Variants in COLEC10 observed in about 807,000 individuals in gnomAD.
The protein encoded by COLEC10 is collectin-10.
In COLEC10, 22 loss-of-function variants were observed where a neutral mutation model predicts 28.4. The ratio of observed to expected loss-of-function variants is 0.78; its 90% confidence interval spans 0.55 to 1.11. The LOEUF (loss-of-function observed/expected upper bound fraction) is 1.11, where lower values mean the gene tolerates loss of function less well. Ranked by LOEUF, COLEC10 falls within the 50% of genes least tolerant of loss-of-function variation. COLEC10 has a pLI of 0.00. For synonymous variants in COLEC10, 125 were observed against 116.1 expected (o/e 1.08, Z -0.49); for missense variants, 361 against 344.1 (o/e 1.05, Z -0.39).
intron 1 of COLEC10, among the ~76,000 whole-genome samples, chr8:119,084,298 T>G (rs1815426122): frequency 6.6e-6 from 1 of 152,172 alleles, no homozygotes; most frequent in African/African-American, 2.4e-5. Flanking sequence ...ATTTGACGCC[T>G]GAATATGCAA....
At chr8:119,029,315 C>T (rs541075236) in intron 2 of COLEC10, among the ~76,000 whole-genome samples, 2 of 152,144 alleles carry the variant, frequency 1.3e-5, no homozygotes, top group African/African-American at 4.8e-5. Context: ...AAAGCTGAAG[C>T]CAGCACAATC....
At chr8:118,983,612 A>C in the COLEC10 span, among the ~76,000 whole-genome samples, 7,827 of 152,188 alleles carry the variant, frequency 0.051, 314 homozygotes, top group East Asian at 0.17. Flanking sequence ...TCAATCCAGA[A>C]TCTATAAAGA....
chr8:119,028,742 T>C (rs1159646741), intron 2 of COLEC10, among the ~76,000 whole-genome samples: 1 of 152,216 alleles, frequency 6.6e-6, no homozygotes, highest in South Asian at 2.1e-4. Flanking sequence ...CCATAATCTA[T>C]GTGAAGGCTG....
chr8:118,969,607 A>G, the COLEC10 span, among the ~76,000 whole-genome samples: 121 of 151,974 alleles, frequency 8.0e-4, 1 homozygote, highest in African/African-American at 2.9e-3. Context: ...GGAGCTGGTG[A>G]ATTCTAATTG....
the COLEC10 span, among the ~76,000 whole-genome samples, chr8:118,962,039 A>G: frequency 1.3e-5 from 2 of 152,166 alleles, no homozygotes; most frequent in Admixed American, 1.3e-4. Context: ...CTAAAAGCCA[A>G]CACTCCCACA....
intron 1 of COLEC10, among the ~76,000 whole-genome samples, chr8:119,001,300 G>A (rs959043694): frequency 2.0e-5 from 3 of 152,118 alleles, no homozygotes; most frequent in Non-Finnish European, 4.4e-5. Flanking sequence ...TGGTATTTTG[G>A]CTGGTGATCA....
intron 2 of COLEC10, among the ~76,000 whole-genome samples, chr8:119,023,532 A>G (rs1428469612): frequency 6.6e-6 from 1 of 152,148 alleles, no homozygotes; most frequent in Non-Finnish European, 1.5e-5. Flanking sequence ...ACTTATTTTA[A>G]CCTCTAGTTT....
intron 1 of COLEC10, among the ~76,000 whole-genome samples, chr8:119,072,320 C>A (rs527536155): frequency 6.6e-6 from 1 of 151,764 alleles, no homozygotes; most frequent in East Asian, 1.9e-4. Context: ...GAGTAGCTGC[C>A]ATTCACCCAG....
chr8:118,978,415 A>G, the COLEC10 span, among the ~76,000 whole-genome samples: 4 of 152,004 alleles, frequency 2.6e-5, no homozygotes, highest in East Asian at 1.9e-4. Flanking sequence ...TTTTGATTAT[A>G]TTTTCCTAAG....
chr8:119,106,884 G>A lies in COLEC10; in HGVS notation c.*693G>A, dbSNP rs899915342. On this transcript the variant is annotated 3_prime_UTR_variant, in exon 6 of 6. Transcript: ENST00000332843. ...AAGTAGGTGCTTTGAACCCCTTTCT[G>A]TAGGCTCACACCTTAATCTCAGGCC... 5.3e-5 allele frequency among the ~76,000 whole-genome samples: 8 copies of A among 152,062 alleles called. No homozygotes were observed. Among genetic ancestry groups the A allele is most frequent in the African/African-American group, 1.9e-4 (8 of 41,416 alleles).
At chr8:119,079,533 G>A (rs960635085) in intron 1 of COLEC10, among the ~76,000 whole-genome samples, 1 of 152,104 alleles carries the variant, frequency 6.6e-6, no homozygotes, top group African/African-American at 2.4e-5. Flanking sequence ...TGAATGATAT[G>A]TGAAGGCTGA....
chr8:118,993,646 C>T (rs1052421306), upstream of COLEC10, among the ~76,000 whole-genome samples: 2 of 152,168 alleles, frequency 1.3e-5, no homozygotes, highest in East Asian at 3.9e-4. Context: ...TGAGCCACCA[C>T]ACCCAGCCAT....
chr8:118,970,932 C>T, the COLEC10 span, among the ~76,000 whole-genome samples: 1 of 151,918 alleles, frequency 6.6e-6, no homozygotes, highest in South Asian at 2.1e-4. Flanking sequence ...CATGCTTTTT[C>T]TTTGAAATTT....
At chr8:119,066,750 CA>C (rs1473133775), upstream of COLEC10, among the ~76,000 whole-genome samples, 1 of 152,170 alleles carries the variant, frequency 6.6e-6, no homozygotes, top group African/African-American at 2.4e-5. Flanking sequence ...TGAATTTAAT[CA>C]CAAGAGAATA....
chr8:118,964,989 T>C, the COLEC10 span, among the ~76,000 whole-genome samples: 7 of 152,110 alleles, frequency 4.6e-5, no homozygotes, highest in Non-Finnish European at 1.0e-4. Flanking sequence ...GGCAGTGCTG[T>C]AGGGAGGTCA....
At chr8:119,013,712 T>A (rs1376958567) in intron 2 of COLEC10, among the ~76,000 whole-genome samples, 1 of 150,896 alleles carries the variant, frequency 6.6e-6, no homozygotes, top group East Asian at 1.9e-4. Flanking sequence ...AGTTCTTCAT[T>A]ACGTAATGCC....
At chr8:119,094,252 GA>G (rs895856425) in intron 3 of COLEC10, among the ~76,000 whole-genome samples, 4 of 151,596 alleles carry the variant, frequency 2.6e-5, no homozygotes, top group Non-Finnish European at 5.9e-5. Context: ...CTAGTCTGTG[GA>G]AAAAAAAGTT....
At chr8:118,974,626 T>C in the COLEC10 span, among the ~76,000 whole-genome samples, 1 of 152,042 alleles carries the variant, frequency 6.6e-6, no homozygotes, top group African/African-American at 2.4e-5. Flanking sequence ...ATTCTCACTG[T>C]TCTCAATATC....
the COLEC10 span, among the ~76,000 whole-genome samples, chr8:118,974,790 T>C: frequency 1.3e-5 from 2 of 152,042 alleles, 1 homozygote; most frequent in Admixed American, 1.3e-4. Flanking sequence ...GAAAAAGTTA[T>C]CCAACCTTAT....
Sources: gnomAD v4.1 joint callset for allele counts (sites outside exome capture counted in the v4.1 genomes callset) on GRCh38, gnomAD v4.1.1 for gene constraint, MANE v1.5 for transcripts, NCBI Gene and HGNC (gene_info 2026-07-23, HGNC 2026-07-21) for gene names.